Variants in ACSL5 observed in about 807,000 individuals in gnomAD.
ACSL5 encodes long-chain-fatty-acid--CoA ligase 5.
Under a neutral mutation model 84.9 loss-of-function variants are expected in ACSL5, and 50 were observed. That is an observed-to-expected ratio of 0.59 (90% CI 0.47 to 0.75). The LOEUF (loss-of-function observed/expected upper bound fraction) is 0.75, where lower values mean the gene tolerates loss of function less well. Ranked by LOEUF, ACSL5 falls within the 30% of genes least tolerant of loss-of-function variation. The pLI, the probability that ACSL5 is intolerant of heterozygous loss-of-function variation, is 0.00. For missense variants in ACSL5, 775 were observed against 830.4 expected, an observed-to-expected ratio of 0.93 and a Z score of 0.82; for synonymous variants, 280 against 300.7, an observed-to-expected ratio of 0.93 and a Z score of 0.71.
chr10:112,380,466 C>T (rs1849327808), intron 1 of ACSL5, among the ~76,000 whole-genome samples: 1 of 151,858 alleles, frequency 6.6e-6, no homozygotes, highest in Non-Finnish European at 1.5e-5. Flanking sequence ...ACCCCCCGCC[C>T]CCCAACCTTT....
intron 2 of ACSL5, 142 bp downstream of exon 2, chr10:112,395,244 C>A: frequency 1.3e-6 from 1 of 793,360 alleles, no homozygotes; most frequent in Non-Finnish European, 1.9e-6. Flanking sequence ...AGGCAATATA[C>A]AAATTTAAAC....
At chr10:112,407,745 A>T (rs567780670) in intron 5 of ACSL5, among the ~76,000 whole-genome samples, 1 of 152,042 alleles carries the variant, frequency 6.6e-6, no homozygotes, top group African/African-American at 2.4e-5. Context: ...CCATAACCAA[A>T]TCCTACTAGT....
At chr10:112,423,540 A>G (rs942417051) in intron 17 of ACSL5, among the ~76,000 whole-genome samples, 10 of 151,872 alleles carry the variant, frequency 6.6e-5, no homozygotes, top group African/African-American at 2.4e-4. Context: ...CTGTTACAGA[A>G]GACACCAAGA....
chr10:112,417,993 G>A (rs2133652140), intron 14 of ACSL5, 52 bp downstream of exon 14: 2 of 1,362,880 alleles, frequency 1.5e-6, no homozygotes, highest in Admixed American at 2.4e-5. Context: ...TGCACAAACA[G>A]GCTCACTGTT....
intron 1 of ACSL5, among the ~76,000 whole-genome samples, chr10:112,392,841 C>A (rs918114100): frequency 4.6e-5 from 7 of 151,606 alleles, no homozygotes; most frequent in Non-Finnish European, 1.0e-4. Flanking sequence ...CTTGAGCCCA[C>A]GAGGTTGAGG....
At chr10:112,418,563 C>G (rs1416301831) in intron 14 of ACSL5, among the ~76,000 whole-genome samples, 1 of 151,924 alleles carries the variant, frequency 6.6e-6, no homozygotes, top group East Asian at 1.9e-4. Flanking sequence ...GCCTGGGCAA[C>G]AGAGCAAGAC....
intron 14 of ACSL5, chr10:112,419,337 A>G (rs1844401797): frequency 1.3e-5 from 2 of 152,304 alleles, no homozygotes; most frequent in South Asian, 4.1e-4. Flanking sequence ...ATTGACATGT[A>G]TATTTTATCC....
intron 1 of ACSL5, among the ~76,000 whole-genome samples, chr10:112,383,400 G>T (rs1268546484): frequency 6.6e-6 from 1 of 152,366 alleles, no homozygotes; most frequent in South Asian, 2.1e-4. Flanking sequence ...GTGAATGGCT[G>T]GGAAGTTATC....
chr10:112,375,543 G>GT (rs1849219625), intron 1 of ACSL5: 1 of 152,334 alleles, frequency 6.6e-6, no homozygotes, highest in African/African-American at 2.4e-5. Context: ...TCATTCTGAG[G>GT]TATCTGTGAG....
intron 1 of ACSL5, among the ~76,000 whole-genome samples, chr10:112,375,963 CT>C (rs970423593): frequency 9.9e-5 from 15 of 152,160 alleles, no homozygotes; most frequent in Admixed American, 9.2e-4. Context: ...ACCTCTGCCT[CT>C]GTGAGGCTTC....
intron 1 of ACSL5, among the ~76,000 whole-genome samples, chr10:112,392,368 A>T (rs1843662037): frequency 8.8e-6 from 1 of 114,204 alleles, no homozygotes; most frequent in Non-Finnish European, 2.1e-5. Flanking sequence ...GCACTTTGGG[A>T]GGCCAAGGTG....
intron 14 of ACSL5, chr10:112,419,692 G>A (rs933085631): frequency 6.6e-6 from 1 of 152,138 alleles, no homozygotes; most frequent in African/African-American, 2.4e-5. Context: ...CTTTTGTCAT[G>A]TTGGAAACAT....
chr10:112,418,217 G>A (rs942043575), intron 14 of ACSL5, among the ~76,000 whole-genome samples: 1 of 152,174 alleles, frequency 6.6e-6, no homozygotes, highest in Non-Finnish European at 1.5e-5. Flanking sequence ...TTTACTGAAT[G>A]TAGTTGACCC....
At chr10:112,417,161 G>T in intron 13 of ACSL5, 139 bp downstream of exon 13, 5 of 556,080 alleles carry the variant, frequency 9.0e-6, no homozygotes, top group East Asian at 4.5e-5. Flanking sequence ...TGCCTTTTGA[G>T]ATCTTTCTTG....
chr10:112,411,849 G>A (rs138186471), intron 10 of ACSL5, 53 bp from the exon 11 acceptor site: 11 of 1,513,566 alleles, frequency 7.3e-6, no homozygotes, highest in Non-Finnish European at 1.0e-5. Flanking sequence ...CATTGGAATT[G>A]AAAGTTGGCA....
chr10:112,398,889 C>T lies in ACSL5; in HGVS notation c.157-12C>T. The T allele has an allele frequency of 6.2e-7, 1 of 1,612,286 alleles. No homozygotes were observed. Among genetic ancestry groups the T allele is most frequent in the Non-Finnish European group, 8.5e-7 (1 of 1,178,416 alleles). On this transcript the variant is annotated splice_polypyrimidine_tract_variant and intron_variant, in intron 2 of 20. Transcript: ENST00000354655. ...GACTTGAACTTGGCCTAAACTTGGTCTTGTGTCTTAGGGAGGAGCACGGAA... is the reference window on the plus strand; with the variant it reads ...GACTTGAACTTGGCCTAAACTTGGTTTTGTGTCTTAGGGAGGAGCACGGAA...
chr10:112,406,266 C>T (rs200514719), intron 5 of ACSL5: 1 of 152,216 alleles, frequency 6.6e-6, no homozygotes, highest in East Asian at 1.9e-4. Context: ...AGGCCTCTCT[C>T]CTTGACTTGT....
At chr10:112,385,437 G>A (rs1849430364) in intron 1 of ACSL5, among the ~76,000 whole-genome samples, 4 of 152,208 alleles carry the variant, frequency 2.6e-5, no homozygotes, top group Admixed American at 6.5e-5. Context: ...ATGATGTGTA[G>A]AGGGCAATAG....
chr10:112,421,437 A>G (rs1265165676), intron 14 of ACSL5, among the ~76,000 whole-genome samples, 156 bp from the exon 15 acceptor site: 1 of 152,200 alleles, frequency 6.6e-6, no homozygotes, highest in Non-Finnish European at 1.5e-5. Flanking sequence ...CTGGGATTAC[A>G]GGCATGAGCC....
Sources: gnomAD v4.1 joint callset for allele counts (sites outside exome capture counted in the v4.1 genomes callset) on GRCh38, gnomAD v4.1.1 for gene constraint, MANE v1.5 for transcripts, NCBI Gene and HGNC (gene_info 2026-07-23, HGNC 2026-07-21) for gene names.